The following SMPD3 variants were observed in gnomAD, a reference collection of about 807,000 sequenced individuals.
SMPD3 encodes sphingomyelin phosphodiesterase 3, also known as nSMase-2.
In SMPD3, 21 loss-of-function variants were observed where a neutral mutation model predicts 55.7. The observed-to-expected ratio is 0.38, with a 90% CI of 0.27 to 0.54. The LOEUF is 0.54. Ranked by LOEUF, SMPD3 falls within the 20% of genes least tolerant of loss-of-function variation. The probability of loss-of-function intolerance (pLI) is 0.80; values close to 1 mark genes in which losing one functional copy is unlikely to be tolerated. For missense variants in SMPD3, 842 were observed against 899.6 expected, an observed-to-expected ratio of 0.94 and a Z score of 0.82; for synonymous variants, 457 against 404.3, an observed-to-expected ratio of 1.13 and a Z score of -1.56.
intron 2 of SMPD3, among the ~76,000 whole-genome samples, chr16:68,376,647 C>T (rs2089822613): frequency 6.6e-6 from 1 of 152,350 alleles, no homozygotes; most frequent in East Asian, 1.9e-4. Context: ...CCATGCTCTC[C>T]AGACCTGAGT....
At chr16:68,376,484 G>A (rs1003723721) in intron 2 of SMPD3, among the ~76,000 whole-genome samples, 1 of 152,234 alleles carries the variant, frequency 6.6e-6, no homozygotes, top group Admixed American at 6.5e-5. Context: ...GACCCCCAAA[G>A]GCCTTGAGGG....
At chr16:68,397,233 C>T (rs940613148) in intron 1 of SMPD3, among the ~76,000 whole-genome samples, 9 of 152,344 alleles carry the variant, frequency 5.9e-5, no homozygotes, top group Admixed American at 2.0e-4. Flanking sequence ...GTTGGGAAGT[C>T]TTGCTAGCCA....
At chr16:68,363,625 C>T in intron 6 of SMPD3, 66 bp from the exon 7 acceptor site, 1 of 1,524,490 alleles carries the variant, frequency 6.6e-7, no homozygotes, top group Non-Finnish European at 9.0e-7. Flanking sequence ...TAGGGGGTGG[C>T]CTCTGTGGGT....
Position 68,371,286 on chromosome 16 carries a change from C to G in SMPD3, c.896G>C (p.Arg299Pro), listed in dbSNP as rs749212356. 4.4e-6 allele frequency: 7 copies of G among 1,603,848 alleles called. No individual in the cohort carries two copies. Among genetic ancestry groups the G allele is most frequent in the Non-Finnish European group, 4.2e-6 (5 of 1,179,004 alleles). ...SGSLGSPSAS[R>P]ESLVKGRAGP... ...AGCTCGCCCCTTCACCAGGGACTCC[C>G]GGGAGGCCGAGGGGCTGCCCAGGCT... Residue 299 changes from arginine (R) to proline (P), a missense_variant, in exon 3 of 9, where the codon CGG becomes CCG. Arg to Pro is a moderately radical substitution (Grantham distance 103). This residue lies in a region of SMPD3 where 649 missense variants were observed against 643.6 expected (regional missense o/e 1.01). Coordinates refer to ENST00000219334, the MANE Select transcript of SMPD3 (RefSeq NM_018667.4).
At chr16:68,396,499 G>A (rs1288249770) in intron 1 of SMPD3, among the ~76,000 whole-genome samples, 1 of 152,144 alleles carries the variant, frequency 6.6e-6, no homozygotes, top group Non-Finnish European at 1.5e-5. Context: ...CACCCTGGTG[G>A]TCCACCTGAC....
chr16:68,370,076 G>A (rs1034179402), intron 3 of SMPD3: 1 of 152,262 alleles, frequency 6.6e-6, no homozygotes, highest in Non-Finnish European at 1.5e-5. Context: ...TCAGAAAACC[G>A]TGGAAGCACC....
intron 1 of SMPD3, among the ~76,000 whole-genome samples, chr16:68,422,225 CAT>C (rs1229972435): frequency 6.6e-6 from 1 of 152,210 alleles, no homozygotes; most frequent in Non-Finnish European, 1.5e-5. Context: ...TGTAAGATAA[CAT>C]ATTCCTCAGC....
At chr16:68,423,412 T>TG (rs2090411846) in intron 1 of SMPD3, among the ~76,000 whole-genome samples, 1 of 152,052 alleles carries the variant, frequency 6.6e-6, no homozygotes, top group Non-Finnish European at 1.5e-5. Context: ...GTAGTTAGGG[T>TG]GGGGATCCAT....
Position 68,360,921 on chromosome 16 carries a change from A to C in SMPD3, c.*285T>G. 4.7e-6 allele frequency: 2 copies of C among 428,026 alleles called. No homozygotes were observed. Among genetic ancestry groups the C allele is most frequent in the Non-Finnish European group, 8.5e-6 (2 of 235,950 alleles). 26.5% of individuals were successfully genotyped at this position (428,026 alleles called of 1,614,324 possible). A position where few individuals can be genotyped will look rare whatever the true frequency, so the allele number is the denominator to read the frequency against. On this transcript the variant is annotated 3_prime_UTR_variant, in exon 9 of 9. Coordinates refer to ENST00000219334, the MANE Select transcript of SMPD3 (RefSeq NM_018667.4). ...ACGAACCCGGTCCTCATACTAACCC[A>C]CGGGTTACAAACTCGGTTGTGCTGT...
In SMPD3 at chr16:68,372,316, T is replaced by C. The variant is rs1204219477; in HGVS notation, c.-135A>G. 1 of 1,186,400 alleles carries C rather than the reference T, an allele frequency of 8.4e-7. No individual in the cohort carries two copies. Among genetic ancestry groups the C allele is most frequent in the Non-Finnish European group, 1.2e-6 (1 of 841,172 alleles). 73.5% of individuals were successfully genotyped at this position (1,186,400 alleles called of 1,614,324 possible). On this transcript the variant is annotated 5_prime_UTR_variant, in exon 3 of 9. Transcript: ENST00000219334. Reference sequence around the variant, plus strand: ...CCTCCTGGCGAGATGCAACTCCGGCTGGTCAATGGCGAATGTTGGCCAGCC... The same window carrying C: ...CCTCCTGGCGAGATGCAACTCCGGCCGGTCAATGGCGAATGTTGGCCAGCC...
chr16:68,373,322 A>G (rs953413812), intron 2 of SMPD3, among the ~76,000 whole-genome samples: 4 of 152,246 alleles, frequency 2.6e-5, no homozygotes, highest in African/African-American at 9.6e-5. Context: ...TGCCAGGTGC[A>G]TCTATTGTGC....
intron 3 of SMPD3, among the ~76,000 whole-genome samples, chr16:68,365,480 T>C (rs916354593): frequency 1.3e-5 from 2 of 152,010 alleles, no homozygotes; most frequent in Non-Finnish European, 2.9e-5. Flanking sequence ...AGTTACACCC[T>C]AGACCTGGTC....
chr16:68,397,797 C>G (rs945587611), intron 1 of SMPD3, among the ~76,000 whole-genome samples: 16 of 152,196 alleles, frequency 1.1e-4, no homozygotes, highest in Non-Finnish European at 5.9e-5. Flanking sequence ...TTCAGGAAGC[C>G]TTCCCCCCTC....
intron 2 of SMPD3, among the ~76,000 whole-genome samples, chr16:68,381,133 C>G (rs1429823326): frequency 6.6e-6 from 1 of 152,230 alleles, no homozygotes; most frequent in African/African-American, 2.4e-5. Flanking sequence ...TTCACTCACC[C>G]TCCCAGGCGG....
chr16:68,430,609 A>T (rs935777406), intron 1 of SMPD3, among the ~76,000 whole-genome samples: 1 of 151,928 alleles, frequency 6.6e-6, no homozygotes, highest in Non-Finnish European at 1.5e-5. Context: ...CACTGGGCTA[A>T]TTTCTAGTCT....
intron 1 of SMPD3, among the ~76,000 whole-genome samples, chr16:68,390,692 CCTT>C (rs1273309809): frequency 6.6e-6 from 1 of 152,148 alleles, no homozygotes; most frequent in Non-Finnish European, 1.5e-5. Flanking sequence ...GAATTCCTAA[CCTT>C]CTGGGAATGC....
rs12599876 is a variant in SMPD3 at position 68,359,502 on chromosome 16, C to T, written c.*1704G>A. The T allele has an allele frequency of 0.16, 23,938 of 152,772 alleles. 2,431 individuals carry two copies. The highest frequency in any genetic ancestry group is 0.28 in the African/African-American group (11,633 of 41,536). The allele number at this position is 152,772 out of a possible 1,614,324, so 9.5% of individuals were successfully genotyped here. ...GCGCCAGGCTCCCTGGGCTCTGCAG[C>T]GTTGTCTGCCCCAGCACAGGGCCAG... On this transcript the variant is annotated 3_prime_UTR_variant, in exon 9 of 9. Transcript: ENST00000219334.
rs756204362 is a variant in SMPD3 at position 68,361,010 on chromosome 16, C to T, written c.*196G>A. The T allele has an allele frequency of 4.2e-5, 24 of 572,664 alleles. No individual in the cohort carries two copies. The Admixed American group carries it at 6.6e-4, about 16-fold the overall frequency. The allele number at this position is 572,664 out of a possible 1,614,324, so 35.5% of individuals were successfully genotyped here. ...GTTAGGCAGCTGGAGGCTCCTGGGG[C>T]GGGCCTGACTCCTCTGTCCACAGTG... On this transcript the variant is annotated 3_prime_UTR_variant, in exon 9 of 9. Coordinates refer to ENST00000219334, the MANE Select transcript of SMPD3 (RefSeq NM_018667.4).
At chr16:68,365,624 T>G (rs982326198) in intron 3 of SMPD3, among the ~76,000 whole-genome samples, 2 of 152,076 alleles carry the variant, frequency 1.3e-5, no homozygotes, top group Non-Finnish European at 2.9e-5. Context: ...GGCTGCATGG[T>G]GAGTCATCTG....
Sources: allele counts gnomAD v4.1 joint callset (sites outside exome capture counted in the v4.1 genomes callset), GRCh38; gene constraint gnomAD v4.1.1; regional missense constraint gnomAD v4.1.1; transcripts MANE v1.5; gene names NCBI Gene and HGNC (gene_info 2026-07-23, HGNC 2026-07-21).